Variants in KIAA1549L observed in about 807,000 individuals in gnomAD.
KIAA1549L encodes the protein KIAA1549 like.
Under a neutral mutation model 160.7 loss-of-function variants are expected in KIAA1549L, and 88 were observed. That is an observed-to-expected ratio of 0.55 (90% CI 0.46 to 0.65). The LOEUF is 0.65. Ranked by LOEUF, KIAA1549L falls within the 30% of genes least tolerant of loss-of-function variation. KIAA1549L has a pLI of 0.00. For missense variants in KIAA1549L, 2,258 were observed against 2,437.5 expected (o/e 0.93, Z 1.55); for synonymous variants, 950 against 976.7 (o/e 0.97, Z 0.51).
intron 4 of KIAA1549L, among the ~76,000 whole-genome samples, chr11:33,549,050 G>A (rs1854364194): frequency 6.6e-6 from 1 of 152,164 alleles, no homozygotes; most frequent in Admixed American, 6.5e-5. Context: ...CCATTTAATT[G>A]CCTGATACAA....
chr11:33,612,427 T>G (rs2133334727), intron 15 of KIAA1549L, among the ~76,000 whole-genome samples: 1 of 152,292 alleles, frequency 6.6e-6, no homozygotes, highest in East Asian at 1.9e-4. Flanking sequence ...TCTTTTTATT[T>G]TTTTATTTTT....
At chr11:33,454,030 T>G (rs1044849918) in intron 1 of KIAA1549L, among the ~76,000 whole-genome samples, 9 of 152,208 alleles carry the variant, frequency 5.9e-5, no homozygotes, top group African/African-American at 2.2e-4. Flanking sequence ...CAAGTAATAC[T>G]GAGCAAAAAG....
intron 1 of KIAA1549L, among the ~76,000 whole-genome samples, chr11:33,394,430 A>T (rs1267402415): frequency 1.4e-5 from 2 of 140,924 alleles, no homozygotes; most frequent in Non-Finnish European, 3.2e-5. Context: ...AACAAACAAT[A>T]AACAATAAAC....
rs374996862 is a variant in KIAA1549L at position 33,558,506 on chromosome 11, C to T, written c.3856-1243C>T. Among the ~76,000 whole-genome samples the T allele has an allele frequency of 1.4e-4, 22 of 152,106 alleles. No homozygotes were observed. In the South Asian group the frequency reaches 1.9e-3, roughly 13 times the overall value. On this transcript the variant is annotated intron_variant, in intron 6 of 20. Coordinates refer to ENST00000658780, the MANE Select transcript of KIAA1549L (RefSeq NM_012194.3). The stretch of plus-strand genomic sequence containing the variant: ...CACAAGGATCTGCCTCCAGGGGCAC[C>T]GGACAGGGCAGAGAGGGTGGGTGGC...
At chr11:33,528,441 A>G (rs993586009) in intron 1 of KIAA1549L, among the ~76,000 whole-genome samples, 10 of 152,250 alleles carry the variant, frequency 6.6e-5, no homozygotes, top group African/African-American at 2.4e-4. Context: ...AACTGAAAGT[A>G]AAACTGCCTT....
intron 9 of KIAA1549L, among the ~76,000 whole-genome samples, chr11:33,573,172 T>C (rs1457832227): frequency 2.0e-5 from 3 of 152,200 alleles, no homozygotes; most frequent in Admixed American, 6.5e-5. Flanking sequence ...CAAAACAGTA[T>C]AAGAAAGATG....
chr11:33,467,470 G>C (rs1449591309), intron 1 of KIAA1549L, among the ~76,000 whole-genome samples: 1 of 152,236 alleles, frequency 6.6e-6, no homozygotes, highest in Non-Finnish European at 1.5e-5. Flanking sequence ...GAGGGACATA[G>C]GGGTGATTTG....
intron 10 of KIAA1549L, among the ~76,000 whole-genome samples, chr11:33,578,181 C>A (rs535814298): frequency 1.3e-5 from 2 of 152,014 alleles, no homozygotes; most frequent in African/African-American, 4.8e-5. Flanking sequence ...GAGCAGTGGA[C>A]GGGGTCAGGG....
Position 33,670,770 on chromosome 11 carries a change from G to GAACA in KIAA1549L, c.*2621_*2624dup, listed in dbSNP as rs1852646873. On this transcript the variant is annotated 3_prime_UTR_variant, in exon 21 of 21. Coordinates refer to ENST00000658780, the MANE Select transcript of KIAA1549L (RefSeq NM_012194.3). ...CAGAGAGCCCTGAGGAGGCAGCAAT[G>GAACA]AACAAACACCCTGTTCATCAGAACC... 1 of 152,228 alleles carries GAACA rather than the reference G, an allele frequency of 6.6e-6. No homozygotes were observed. Among genetic ancestry groups the GAACA allele is most frequent in the Admixed American group, 6.5e-5 (1 of 15,286 alleles). 9.4% of individuals were successfully genotyped at this position (152,228 alleles called of 1,614,324 possible).
At chr11:33,418,827 G>A (rs566792009) in intron 1 of KIAA1549L, among the ~76,000 whole-genome samples, 1 of 151,936 alleles carries the variant, frequency 6.6e-6, no homozygotes, top group African/African-American at 2.4e-5. Context: ...TTTCTAGGGG[G>A]AGCTGGAAAA....
At chr11:33,609,658 C>CT in intron 14 of KIAA1549L, 91 bp from the exon 15 acceptor site, 2 of 1,060,748 alleles carry the variant, frequency 1.9e-6, no homozygotes, top group East Asian at 2.6e-5. Flanking sequence ...CCTGTGATGG[C>CT]TTTTTTAGAA....
At chr11:33,580,343 G>A (rs1177819454) in intron 10 of KIAA1549L, among the ~76,000 whole-genome samples, 1 of 152,132 alleles carries the variant, frequency 6.6e-6, no homozygotes, top group Non-Finnish European at 1.5e-5. Context: ...GGAGGCTGAG[G>A]TGGGTGGATC....
At chr11:33,588,050 C>T (rs560082821) in intron 11 of KIAA1549L, among the ~76,000 whole-genome samples, 51 of 152,278 alleles carry the variant, frequency 3.3e-4, no homozygotes, top group Admixed American at 2.7e-3. Flanking sequence ...TGTGAGCCTG[C>T]GTAAGCTGCT....
At chr11:33,396,021 A>AT (rs1163985628) in intron 1 of KIAA1549L, among the ~76,000 whole-genome samples, 1 of 151,878 alleles carries the variant, frequency 6.6e-6, no homozygotes, top group African/African-American at 2.4e-5. Flanking sequence ...AATTGGTTGT[A>AT]TTTTTTTCTT....
chr11:33,408,398 T>C (rs1365428528), intron 1 of KIAA1549L, among the ~76,000 whole-genome samples: 1 of 151,622 alleles, frequency 6.6e-6, no homozygotes, highest in Non-Finnish European at 1.5e-5. Context: ...TTGGATTCAG[T>C]GATATCTAAT....
intron 4 of KIAA1549L, among the ~76,000 whole-genome samples, chr11:33,550,001 T>C (rs1404753486): frequency 7.1e-6 from 1 of 139,896 alleles, no homozygotes; most frequent in African/African-American, 2.7e-5. Flanking sequence ...CAAGACCCTG[T>C]CAAAAAAACA....
chr11:33,548,382 G>A (rs752609683), intron 4 of KIAA1549L, among the ~76,000 whole-genome samples: 5 of 152,190 alleles, frequency 3.3e-5, no homozygotes, highest in Non-Finnish European at 7.3e-5. Flanking sequence ...CTGGGTGACA[G>A]AGCGAGTCTC....
At chr11:33,468,976 G>C (rs1852119269) in intron 1 of KIAA1549L, among the ~76,000 whole-genome samples, 1 of 152,198 alleles carries the variant, frequency 6.6e-6, no homozygotes, top group African/African-American at 2.4e-5. Flanking sequence ...GCTCTGGGCT[G>C]AAGTGGGCCC....
At chr11:33,437,720 AC>A (rs1851409423) in intron 1 of KIAA1549L, among the ~76,000 whole-genome samples, 1 of 152,046 alleles carries the variant, frequency 6.6e-6, no homozygotes, top group African/African-American at 2.4e-5. Context: ...TGTTCTAAAG[AC>A]CTTTGCCCTG....
Sources: gnomAD v4.1 joint callset for allele counts (sites outside exome capture counted in the v4.1 genomes callset) on GRCh38, gnomAD v4.1.1 for gene constraint, MANE v1.5 for transcripts, NCBI Gene and HGNC (gene_info 2026-07-23, HGNC 2026-07-21) for gene names.